Variants in DNAJC10 observed in about 807,000 individuals in gnomAD.
The protein encoded by DNAJC10 is endoplasmic reticulum disulfide reductase DNAJC10.
A neutral mutation model predicts 115.0 loss-of-function variants in DNAJC10; 101 were observed. That is an observed-to-expected ratio of 0.88 (90% CI 0.75 to 1.04). DNAJC10 has a LOEUF of 1.04. Ranked by LOEUF, DNAJC10 falls within the 50% of genes least tolerant of loss-of-function variation. The pLI is 0.00. For synonymous variants in DNAJC10, 307 were observed against 301.5 expected, an observed-to-expected ratio of 1.02 and a Z score of -0.19; for missense variants, 981 against 928.8, an observed-to-expected ratio of 1.06 and a Z score of -0.73.
intron 11 of DNAJC10, chr2:182,739,564 A>G: frequency 1.6e-6 from 2 of 1,228,140 alleles, no homozygotes; most frequent in Non-Finnish European, 2.1e-6. Flanking sequence ...TGAGAGAATC[A>G]GACCAGCAGA....
chr2:182,737,861 AT>A (rs1479014087), intron 11 of DNAJC10, among the ~76,000 whole-genome samples: 1 of 152,202 alleles, frequency 6.6e-6, no homozygotes, highest in African/African-American at 2.4e-5. Flanking sequence ...CTTATAACCA[AT>A]TCATCAAGAA....
At chr2:182,746,468 A>G (rs1211423306) in intron 14 of DNAJC10, among the ~76,000 whole-genome samples, 1 of 151,990 alleles carries the variant, frequency 6.6e-6, no homozygotes, top group African/African-American at 2.4e-5. Flanking sequence ...TTTGATTTGC[A>G]TTTCTCTGAT....
rs768602033 is a variant in DNAJC10, at chr2:182,722,092, A to C, written c.418+17A>C. Reference sequence around the variant, plus strand: ...GAGAATTTGGTAAGTTTGTGGGCTTAAGGTTTTATAAAACTAATACAAGTT... The same window carrying C: ...GAGAATTTGGTAAGTTTGTGGGCTTCAGGTTTTATAAAACTAATACAAGTT... On this transcript the variant is annotated intron_variant, in intron 5 of 23. Coordinates refer to ENST00000264065, the MANE Select transcript of DNAJC10 (RefSeq NM_018981.4). 3.9e-6 allele frequency: 6 copies of C among 1,536,494 alleles called. No homozygotes were observed. In the South Asian group the frequency reaches 7.4e-5, roughly 19 times the overall value.
rs1208785994 is a variant in DNAJC10, at chr2:182,786,929, A to G, written c.*9797A>G. 1 of 152,114 alleles carries G rather than the reference A, an allele frequency of 6.6e-6. No individual in the cohort carries two copies. Among genetic ancestry groups the G allele is most frequent in the South Asian group, 2.1e-4 (1 of 4,830 alleles). The allele number at this position is 152,114 out of a possible 1,614,324, so 9.4% of individuals were successfully genotyped here. Reference sequence around the variant, plus strand: ...TCCTTTTTGAGATTGGTACACTTATAAAAGAGACCCCAGTATCTTGCTCGT... The same window carrying G: ...TCCTTTTTGAGATTGGTACACTTATGAAAGAGACCCCAGTATCTTGCTCGT... On this transcript the variant is annotated 3_prime_UTR_variant, in exon 24 of 24. Transcript: ENST00000264065.
At chr2:182,757,876 C>T (rs778536446) in intron 19 of DNAJC10, 51 bp downstream of exon 19, 19 of 1,074,580 alleles carry the variant, frequency 1.8e-5, no homozygotes, top group Admixed American at 2.6e-5. Flanking sequence ...TTTAATTATA[C>T]ACTTAACAGT....
intron 3 of DNAJC10, among the ~76,000 whole-genome samples, 168 bp downstream of exon 3, chr2:182,718,458 G>T (rs1693057488): frequency 6.6e-6 from 1 of 152,130 alleles, no homozygotes; most frequent in Admixed American, 6.5e-5. Context: ...GATTATTTAG[G>T]ATCCCGTGAA....
intron 15 of DNAJC10, 118 bp from the exon 16 acceptor site, chr2:182,751,954 G>A: frequency 8.4e-7 from 1 of 1,193,968 alleles, no homozygotes; most frequent in Non-Finnish European, 1.2e-6. Flanking sequence ...TACTCCTCCA[G>A]GGAAGGTTTG....
At chr2:182,771,531 C>T (rs557008207) in intron 22 of DNAJC10, among the ~76,000 whole-genome samples, 4 of 152,248 alleles carry the variant, frequency 2.6e-5, no homozygotes, top group African/African-American at 9.6e-5. Context: ...TTCAGAAATT[C>T]ATCTTCTTCC....
In DNAJC10 at chr2:182,736,288, C is replaced by T. The variant is rs776120070; in HGVS notation, c.889C>T (p.Gln297Ter). 3.1e-6 allele frequency: 5 copies of T among 1,590,774 alleles called. No homozygotes were observed. Among genetic ancestry groups the T allele is most frequent in the Non-Finnish European group, 4.3e-6 (5 of 1,171,584 alleles). The change falls in exon 11 of 24, where the codon CAG (glutamine) becomes TAG (stop). Residue 297 changes from glutamine to a stop codon, truncating the protein, a stop_gained. Coordinates refer to ENST00000264065, the MANE Select transcript of DNAJC10 (RefSeq NM_018981.4). LOFTEE classifies it high-confidence loss of function. ...VNVGWMDCAT[Q>*]DNLCKSLDIT... ...TGTAGGATGGATGGACTGTGCCACCCAGGATAACCTTTGTAAAAGCTTAGA... is the reference window on the plus strand; with the variant it reads ...TGTAGGATGGATGGACTGTGCCACCTAGGATAACCTTTGTAAAAGCTTAGA...
intron 14 of DNAJC10, among the ~76,000 whole-genome samples, chr2:182,746,427 A>C (rs79132204): frequency 6.6e-6 from 1 of 152,062 alleles, no homozygotes; most frequent in African/African-American, 2.4e-5. Context: ...ATTGCCATTC[A>C]AACTGGTGTG....
chr2:182,788,716 G>T lies in DNAJC10; in HGVS notation c.*11584G>T. 2 of 428,424 alleles carry T rather than the reference G, an allele frequency of 4.7e-6. No individual in the cohort carries two copies. The highest frequency in any genetic ancestry group is 1.7e-5 in the South Asian group (1 of 58,366). 26.5% of individuals were successfully genotyped at this position (428,424 alleles called of 1,614,324 possible). ...GCACAAGTAACGTCTATTTATCTCA[G>T]AGGAAATCCAGGGAAGTTCCTACTT... On this transcript the variant is annotated 3_prime_UTR_variant, in exon 24 of 24. Transcript: ENST00000264065.
chr2:182,744,620 T>G (rs1350782637), intron 14 of DNAJC10, among the ~76,000 whole-genome samples: 1 of 152,166 alleles, frequency 6.6e-6, no homozygotes, highest in Non-Finnish European at 1.5e-5. Context: ...CAGTAACTAC[T>G]GTTTATTCAC....
chr2:182,765,041 A>G (rs983547234), intron 22 of DNAJC10, among the ~76,000 whole-genome samples: 1 of 152,182 alleles, frequency 6.6e-6, no homozygotes, highest in African/African-American at 2.4e-5. Context: ...TCACACTTAT[A>G]TCGCCAGTCC....
intron 5 of DNAJC10, among the ~76,000 whole-genome samples, chr2:182,724,095 C>T (rs773836401): frequency 5.3e-5 from 8 of 152,148 alleles, no homozygotes; most frequent in African/African-American, 1.2e-4. Context: ...TCAATTCTGA[C>T]AGCTACTGTA....
In DNAJC10 at chr2:182,751,787, T is replaced by G; in HGVS notation, c.1434+2T>G. On this transcript the variant is annotated splice_donor_variant, in intron 15 of 23. Coordinates refer to ENST00000264065, the MANE Select transcript of DNAJC10 (RefSeq NM_018981.4). LOFTEE classifies it high-confidence loss of function. ...TGGCTTGTTGATTTCTTTGCCCCCGTAAGTTATTTTTATCTGTCAGATTCT... is the reference window on the plus strand; with the variant it reads ...TGGCTTGTTGATTTCTTTGCCCCCGGAAGTTATTTTTATCTGTCAGATTCT... The G allele has an allele frequency of 6.2e-7, 1 of 1,610,964 alleles. No homozygotes were observed.
intron 21 of DNAJC10, among the ~76,000 whole-genome samples, chr2:182,760,544 A>G (rs1559021131): frequency 6.6e-6 from 1 of 152,174 alleles, no homozygotes; most frequent in Non-Finnish European, 1.5e-5. Flanking sequence ...CTCAGGGCCT[A>G]ACTCAGTAAA....
At position 182,720,295 on chromosome 2, in the gene DNAJC10, T is replaced by TG. The variant is rs2105605268; in HGVS notation, c.367+129dup. On this transcript the variant is annotated intron_variant, in intron 4 of 23. Transcript: ENST00000264065. ...TTGATTAGCTCCTTTTAATTTGCTG[T>TG]GGGAGTGAAATTTAAAAGGAATGTC... 5.2e-6 allele frequency: 4 copies of TG among 763,472 alleles called. No individual in the cohort carries two copies. In the East Asian group the frequency reaches 1.1e-4, roughly 20 times the overall value. The allele number at this position is 763,472 out of a possible 1,614,324, so 47.3% of individuals were successfully genotyped here.
intron 22 of DNAJC10, among the ~76,000 whole-genome samples, chr2:182,769,133 T>C (rs1401186005): frequency 6.6e-6 from 1 of 152,160 alleles, no homozygotes; most frequent in Non-Finnish European, 1.5e-5. Flanking sequence ...GCTACATTCA[T>C]GTCCCTGCAA....
intron 22 of DNAJC10, among the ~76,000 whole-genome samples, chr2:182,772,546 A>G (rs1409259031): frequency 6.6e-6 from 1 of 152,160 alleles, no homozygotes. Context: ...TTCTTGTGGA[A>G]TTGATCTCTT....
Sources: allele counts gnomAD v4.1 joint callset (sites outside exome capture counted in the v4.1 genomes callset), GRCh38; gene constraint gnomAD v4.1.1; transcripts MANE v1.5; gene names NCBI Gene and HGNC (gene_info 2026-07-23, HGNC 2026-07-21).